The following SMIM36 variants were observed in gnomAD, a reference collection of about 807,000 sequenced individuals.
SMIM36 encodes the protein small integral membrane protein 36.
chr17:55,475,252 A>C (rs1451264375), intron 3 of SMIM36, among the ~76,000 whole-genome samples: 1 of 152,166 alleles, frequency 6.6e-6, no homozygotes, highest in Non-Finnish European at 1.5e-5. Context: ...ATCGTAGCGG[A>C]TATCTCCTGG....
intron 1 of SMIM36, among the ~76,000 whole-genome samples, chr17:55,493,765 G>A (rs920562871): frequency 6.5e-5 from 9 of 139,250 alleles, no homozygotes; most frequent in Admixed American, 6.4e-4. Context: ...ACCCGAGATC[G>A]CGCCACTGCA....
intron 3 of SMIM36, chr17:55,468,016 C>T (rs1452835095): frequency 1.3e-5 from 2 of 152,156 alleles, no homozygotes; most frequent in African/African-American, 4.8e-5. Flanking sequence ...GAGAAAAAGC[C>T]CCTTTGACTG....
At chr17:55,494,857 A>G (rs561216252) in intron 1 of SMIM36, among the ~76,000 whole-genome samples, 5 of 152,334 alleles carry the variant, frequency 3.3e-5, no homozygotes, top group South Asian at 4.1e-4. Flanking sequence ...ACTGACAGGA[A>G]TGCACGATAA....
chr17:55,450,566 G>A (rs1908893580), intron 4 of SMIM36, among the ~76,000 whole-genome samples: 1 of 152,166 alleles, frequency 6.6e-6, no homozygotes. Context: ...ACATGGTGGA[G>A]GCTCAGAGAA....
At chr17:55,451,506 T>C (rs1025620461) in intron 4 of SMIM36, among the ~76,000 whole-genome samples, 1 of 152,226 alleles carries the variant, frequency 6.6e-6, no homozygotes, top group Non-Finnish European at 1.5e-5. Context: ...AGTGGCTGTT[T>C]CCTCCATATG....
At chr17:55,456,792 C>G (rs1909032860) in intron 4 of SMIM36, among the ~76,000 whole-genome samples, 1 of 152,154 alleles carries the variant, frequency 6.6e-6, no homozygotes, top group African/African-American at 2.4e-5. Flanking sequence ...TGTGGGTTTT[C>G]TCTTGGGACT....
chr17:55,480,908 A>G (rs914817097), intron 1 of SMIM36, among the ~76,000 whole-genome samples: 4 of 151,962 alleles, frequency 2.6e-5, no homozygotes, highest in East Asian at 1.9e-4. Flanking sequence ...ATGTTTCTCA[A>G]TTTTTCTAGG....
chr17:55,510,934 G>A (rs1910169611), exon 1 of SMIM36: 1 of 396,260 alleles, frequency 2.5e-6, no homozygotes, highest in South Asian at 1.4e-4. Context: ...AAGTAAGACA[G>A]AGCTCTCACT....
the SMIM36 span, among the ~76,000 whole-genome samples, chr17:55,529,538 C>T: frequency 6.6e-5 from 10 of 152,032 alleles, no homozygotes; most frequent in Admixed American, 2.0e-4. Context: ...GAGGCTGAGG[C>T]GGGCAGATCA....
chr17:55,489,122 A>G (rs917416975), intron 1 of SMIM36, among the ~76,000 whole-genome samples: 1 of 152,226 alleles, frequency 6.6e-6, no homozygotes, highest in African/African-American at 2.4e-5. Flanking sequence ...TCACGCCTGT[A>G]ATCCCAGCAC....
At chr17:55,514,967 G>C (rs1168829145), upstream of SMIM36, among the ~76,000 whole-genome samples, 1 of 151,538 alleles carries the variant, frequency 6.6e-6, no homozygotes, top group Non-Finnish European at 1.5e-5. Flanking sequence ...AGCATTGGGA[G>C]TTTGATTATT....
At chr17:55,529,459 CA>C in the SMIM36 span, among the ~76,000 whole-genome samples, 2 of 151,916 alleles carry the variant, frequency 1.3e-5, no homozygotes, top group Admixed American at 1.3e-4. Flanking sequence ...GCCCTCTATA[CA>C]AAAAATACAA....
chr17:55,483,644 C>T (rs1039680978), intron 1 of SMIM36, among the ~76,000 whole-genome samples: 2 of 152,128 alleles, frequency 1.3e-5, no homozygotes, highest in Admixed American at 1.3e-4. Context: ...GCCCCCAAAA[C>T]TGTGTGAACT....
At chr17:55,474,417 G>T (rs1909393365) in intron 3 of SMIM36, among the ~76,000 whole-genome samples, 1 of 152,182 alleles carries the variant, frequency 6.6e-6, no homozygotes, top group African/African-American at 2.4e-5. Context: ...AGAGCAGCAC[G>T]TGGCAGGCCC....
At chr17:55,462,875 C>T (rs1909169934) in intron 4 of SMIM36, among the ~76,000 whole-genome samples, 1 of 152,060 alleles carries the variant, frequency 6.6e-6, no homozygotes, top group Non-Finnish European at 1.5e-5. Context: ...AGGCCAATTA[C>T]TGTGTCTGAG....
intron 3 of SMIM36, among the ~76,000 whole-genome samples, chr17:55,473,455 A>C (rs1909375984): frequency 6.6e-6 from 1 of 152,162 alleles, no homozygotes; most frequent in Non-Finnish European, 1.5e-5. Context: ...TCTAACAGAT[A>C]TAATTCCCTG....
intron 1 of SMIM36, among the ~76,000 whole-genome samples, chr17:55,491,247 C>CAAAA (rs1206937453): frequency 2.1e-4 from 11 of 52,850 alleles, no homozygotes; most frequent in Non-Finnish European, 2.7e-4. Context: ...GTCTCCTCAC[C>CAAAA]AAAAAAAAAA....
intron 1 of SMIM36, among the ~76,000 whole-genome samples, chr17:55,485,692 TA>T: frequency 6.6e-6 from 1 of 152,360 alleles, no homozygotes; most frequent in African/African-American, 2.4e-5. Context: ...ATATCTAATA[TA>T]CATTGTGCTT....
intron 1 of SMIM36, among the ~76,000 whole-genome samples, chr17:55,486,048 T>TA (rs1487717907): frequency 6.7e-6 from 1 of 148,834 alleles, no homozygotes; most frequent in Admixed American, 6.6e-5. Flanking sequence ...TTCTTTTTTT[T>TA]TTTTTGAGAC....
Sources: gnomAD v4.1 joint callset for allele counts (sites outside exome capture counted in the v4.1 genomes callset) on GRCh38, gnomAD v4.1.1 for gene constraint, MANE v1.5 for transcripts, NCBI Gene and HGNC (gene_info 2026-07-23, HGNC 2026-07-21) for gene names.